NME8: variants seen among roughly 807,000 people sequenced by gnomAD.
NME8 encodes the protein protein NME8.
Under a neutral mutation model 82.3 loss-of-function variants are expected in NME8, and 72 were observed. That is an observed-to-expected ratio of 0.87 (90% CI 0.72 to 1.06). The LOEUF (loss-of-function observed/expected upper bound fraction) is 1.06. Among genes scored for constraint, NME8 ranks in the 50% least tolerant of loss-of-function variants. The probability of loss-of-function intolerance (pLI) is 0.00; values close to 1 mark genes in which losing one functional copy is unlikely to be tolerated. For missense variants in NME8, 712 were observed against 685.4 expected (o/e 1.04, Z -0.43); for synonymous variants, 267 against 228.5 (o/e 1.17, Z -1.52).
intron 10 of NME8, 103 bp from the exon 11 acceptor site, chr7:37,867,599 G>A (rs1368667465): frequency 3.7e-6 from 3 of 802,810 alleles, no homozygotes; most frequent in African/African-American, 3.4e-5. Context: ...TTTGCCCAGG[G>A]ACCATGGAGA....
intron 7 of NME8, 98 bp from the exon 8 acceptor site, chr7:37,863,298 A>T: frequency 1.4e-6 from 1 of 738,024 alleles, no homozygotes; most frequent in South Asian, 1.5e-5. Flanking sequence ...TATTTCTTAG[A>T]CTATAAATAT....
chr7:37,867,650 GTCCA>G (rs1784706846), intron 10 of NME8, 48 bp from the exon 11 acceptor site: 3 of 1,409,942 alleles, frequency 2.1e-6, no homozygotes, highest in Non-Finnish European at 3.0e-6. Context: ...CACCATTTTA[GTCCA>G]TCCATTTCAG....
At position 37,864,336 on chromosome 7, in the gene NME8, A is replaced by AT. The variant is rs771756299; in HGVS notation, c.455-5dup. The AT allele has an allele frequency of 1.3e-5, 21 of 1,592,222 alleles. No homozygotes were observed. The South Asian group carries it at 1.6e-4, about 12-fold the overall frequency. ...AAAATGAAATTCTGTCTTTTTCTAA[A>AT]TTTTTTTCCAGAGGAATTATACAGT... On this transcript the variant is annotated splice_polypyrimidine_tract_variant and intron_variant, in intron 8 of 17. Transcript: ENST00000199447.
At chr7:37,861,556 C>T (rs1784596991) in intron 6 of NME8, among the ~76,000 whole-genome samples, 1 of 152,058 alleles carries the variant, frequency 6.6e-6, no homozygotes, top group Non-Finnish European at 1.5e-5. Context: ...TTAAAAAAAA[C>T]CTAATTAGGT....
At chr7:37,894,139 C>T (rs190102111) in intron 15 of NME8, among the ~76,000 whole-genome samples, 120 of 152,208 alleles carry the variant, frequency 7.9e-4, no homozygotes, top group Admixed American at 1.5e-3. Context: ...GCAAGAAATT[C>T]CTTGGCATTT....
chr7:37,865,001 C>A (rs1437946547), intron 9 of NME8, among the ~76,000 whole-genome samples: 11 of 152,138 alleles, frequency 7.2e-5, no homozygotes, highest in Admixed American at 6.5e-4. Flanking sequence ...GTTTAAAATT[C>A]AAGGTGAGAT....
rs780459519 is a variant in NME8, at chr7:37,897,116, C to G, written c.*15+9C>G. The G allele has an allele frequency of 6.9e-7, 1 of 1,454,708 alleles. No individual in the cohort carries two copies. The highest frequency in any genetic ancestry group is 9.6e-7 in the Non-Finnish European group (1 of 1,036,444). 90.1% of individuals were successfully genotyped at this position (1,454,708 alleles called of 1,614,324 possible). On this transcript the variant is annotated intron_variant, in intron 17 of 17. Transcript: ENST00000199447. The stretch of plus-strand genomic sequence containing the variant: ...AAAGTATATACTGTGAAGTACGTAC[C>G]TGTTTAATTATTATTTTATTTTATT...
At chr7:37,851,968 C>T (rs1003991512) in intron 5 of NME8, among the ~76,000 whole-genome samples, 1 of 152,106 alleles carries the variant, frequency 6.6e-6, no homozygotes, top group Non-Finnish European at 1.5e-5. Context: ...AATGCATTTT[C>T]CATAGGACTT....
intron 2 of NME8, among the ~76,000 whole-genome samples, chr7:37,850,021 G>C (rs1161367681): frequency 1.3e-5 from 2 of 152,114 alleles, no homozygotes; most frequent in African/African-American, 4.8e-5. Flanking sequence ...AAATGCTTGA[G>C]GTGATGGATA....
intron 11 of NME8, among the ~76,000 whole-genome samples, chr7:37,873,484 TTAATA>T (rs1372779414): frequency 6.7e-6 from 1 of 150,092 alleles, no homozygotes; most frequent in East Asian, 1.9e-4. Flanking sequence ...AATTGTTTAA[TTAATA>T]TTTTTAACAA....
chr7:37,856,122 A>G (rs1034437172), intron 5 of NME8, among the ~76,000 whole-genome samples: 2 of 152,166 alleles, frequency 1.3e-5, no homozygotes, highest in East Asian at 3.8e-4. Flanking sequence ...CTGGATCTCA[A>G]GGTGTTAGTC....
At chr7:37,892,220 T>G (rs895108153) in intron 15 of NME8, among the ~76,000 whole-genome samples, 1 of 152,000 alleles carries the variant, frequency 6.6e-6, no homozygotes, top group Admixed American at 6.6e-5. Context: ...TTGACCACTC[T>G]TGATTTCTTT....
Position 37,884,340 on chromosome 7 carries a change from A to T in NME8, c.1032A>T (p.Lys344Asn). 1.3e-6 allele frequency: 2 copies of T among 1,598,902 alleles called. No individual in the cohort carries two copies. The highest frequency in any genetic ancestry group is 1.7e-6 in the Non-Finnish European group (2 of 1,166,204). ...GTATTATTAAAGATGAAGACTTCAA[A>T]ATACTGGAGCAAAGACAAGTAGTAT... ...VLRIIKDEDFKILEQRQVVLS... is the reference protein window; with the variant it reads ...VLRIIKDEDFNILEQRQVVLS... Residue 344 changes from lysine (K) to asparagine (N), a missense_variant, in exon 13 of 18, where the codon AAA becomes AAT. By Grantham distance (94) the Lys-to-Asn change is moderately conservative. Coordinates refer to ENST00000199447, the MANE Select transcript of NME8 (RefSeq NM_016616.5).
intron 13 of NME8, among the ~76,000 whole-genome samples, chr7:37,884,653 A>G (rs756006975): frequency 6.6e-6 from 1 of 152,232 alleles, no homozygotes; most frequent in Non-Finnish European, 1.5e-5. Context: ...CTGGAATAGT[A>G]GGAAGGTCTC....
In NME8 at chr7:37,876,928, C is replaced by G. The variant is rs146004225; in HGVS notation, c.915C>G (p.Pro305=). ...CTAAGTTCATGGATGCTTTCTTCCC[C>G]GATTTTAAAAAAATGAAAAGCATGA... ...NVAKFMDAFF[P]DFKKMKSMKL... Residue 305 remains proline (P), a synonymous_variant, in exon 12 of 18, where the codon CCC becomes CCG. Transcript: ENST00000199447. The G allele has an allele frequency of 5.0e-6, 8 of 1,612,414 alleles. No homozygotes were observed. Among genetic ancestry groups the G allele is most frequent in the East Asian group, 2.2e-5 (1 of 44,690 alleles).
chr7:37,883,051 G>A (rs1008250686), intron 12 of NME8, among the ~76,000 whole-genome samples: 25 of 152,140 alleles, frequency 1.6e-4, no homozygotes, highest in Non-Finnish European at 3.4e-4. Flanking sequence ...TAATGAGAGA[G>A]TGCAAATTAG....
intron 12 of NME8, among the ~76,000 whole-genome samples, chr7:37,878,382 A>G (rs1234350949): frequency 6.6e-6 from 1 of 152,118 alleles, no homozygotes; most frequent in African/African-American, 2.4e-5. Context: ...TTTTGTGTCT[A>G]TATTCAGGAG....
chr7:37,863,368 A>G (rs1324203154), intron 7 of NME8, 28 bp from the exon 8 acceptor site: 1 of 1,351,622 alleles, frequency 7.4e-7, no homozygotes, highest in East Asian at 2.3e-5. Flanking sequence ...TAACTGTGTT[A>G]TCTTTGCATT....
intron 12 of NME8, among the ~76,000 whole-genome samples, chr7:37,882,601 G>GAAAGAAAGAAAGAA: frequency 2.8e-5 from 1 of 35,972 alleles, no homozygotes; most frequent in African/African-American, 7.3e-5. Context: ...GAAAGAAAGA[G>GAAAGAAAGAAAGAA]AGAGAGAGAG....
Sources: allele counts gnomAD v4.1 joint callset (sites outside exome capture counted in the v4.1 genomes callset), GRCh38; gene constraint gnomAD v4.1.1; transcripts MANE v1.5; gene names NCBI Gene and HGNC (gene_info 2026-07-23, HGNC 2026-07-21).